The following KY variants were observed in gnomAD, a reference collection of about 807,000 sequenced individuals.
KY encodes the protein kyphoscoliosis peptidase.
In KY, 43 loss-of-function variants were observed where a neutral mutation model predicts 76.1. The ratio of observed to expected loss-of-function variants is 0.57; its 90% CI spans 0.44 to 0.73. KY has a LOEUF of 0.73. Ranked by LOEUF, KY falls within the 30% of genes least tolerant of loss-of-function variation. KY has a pLI of 0.00. For missense variants in KY, 722 were observed against 828.9 expected (o/e 0.87, Z 1.58); for synonymous variants, 277 against 326.2 (o/e 0.85, Z 1.63).
At chr3:134,634,111 A>G (rs1376161284) in intron 3 of KY, among the ~76,000 whole-genome samples, 1 of 152,230 alleles carries the variant, frequency 6.6e-6, no homozygotes, top group Non-Finnish European at 1.5e-5. Flanking sequence ...CACATTAAAG[A>G]TGACTTAAAT....
chr3:134,604,002 G>A lies in KY; in HGVS notation c.1563C>T (p.Thr521=), dbSNP rs80161977. The A allele has an allele frequency of 7.6e-4, 1,226 of 1,613,838 alleles. 8 individuals carry two copies. The African/African-American group carries it at 0.015, about 19-fold the overall frequency. ...CATGGGGCAGCTGGACTTTCAGCTC[G>A]GTCTGCTTCTCCCGGTGCAGCTGGA... The part of the protein sequence containing the change: ...YIFQLHREKQ[T]ELKVQLPHAG... Residue 521 remains threonine (T), a synonymous_variant, in exon 11 of 11, where the codon ACC becomes ACT. Transcript: ENST00000423778.
At chr3:134,621,726 G>T (rs540301213) in intron 6 of KY, among the ~76,000 whole-genome samples, 1 of 152,220 alleles carries the variant, frequency 6.6e-6, no homozygotes, top group Non-Finnish European at 1.5e-5. Flanking sequence ...GGGCATTCGT[G>T]AAAATAAAAA....
chr3:134,632,475 G>T (rs1018302807), intron 3 of KY, among the ~76,000 whole-genome samples: 2 of 151,944 alleles, frequency 1.3e-5, no homozygotes, highest in African/African-American at 2.4e-5. Flanking sequence ...AAATGTCCAA[G>T]TATTAAAAAT....
chr3:134,614,532 C>G (rs1287253802), intron 8 of KY, among the ~76,000 whole-genome samples: 1 of 151,964 alleles, frequency 6.6e-6, no homozygotes, highest in African/African-American at 2.4e-5. Context: ...CTGCAAAGGA[C>G]CACATGGCCA....
rs573771058 is a variant in KY, at chr3:134,650,850, C to G, written c.111G>C (p.Pro37=). The change falls in exon 1 of 11, where the codon CCG becomes CCC. Residue 37 remains proline, a synonymous_variant. Coordinates refer to ENST00000423778, the MANE Select transcript of KY (RefSeq NM_178554.6). ...QGTLSDQQAN[P]SSLLQRGGGF... is the part of the protein sequence containing the mutation. Reference sequence around the variant, plus strand: ...CTCCTCCGCGCTGCAGCAGCGAGCTCGGGTTCGCCTGCTGGTCTGAGAGCG... The same window carrying G: ...CTCCTCCGCGCTGCAGCAGCGAGCTGGGGTTCGCCTGCTGGTCTGAGAGCG... 6.8e-6 allele frequency: 11 copies of G among 1,606,868 alleles called. No individual in the cohort carries two copies. The South Asian group carries it at 1.2e-4, about 18-fold the overall frequency.
At position 134,603,509 on chromosome 3, in the gene KY, A is replaced by G; in HGVS notation, c.*70T>C. ...CTCAGTGGTGTCCAGGGCTCCCTGC[A>G]CTTCCTTCGAGCCCTCCCTGGGGAG... On this transcript the variant is annotated 3_prime_UTR_variant, in exon 11 of 11. Coordinates refer to ENST00000423778, the MANE Select transcript of KY (RefSeq NM_178554.6). The G allele has an allele frequency of 7.1e-7, 1 of 1,408,002 alleles. No homozygotes were observed. Among genetic ancestry groups the G allele is most frequent in the Non-Finnish European group, 9.6e-7 (1 of 1,037,448 alleles). The allele number at this position is 1,408,002 out of a possible 1,614,324, so 87.2% of individuals were successfully genotyped here.
At chr3:134,624,189 C>A (rs1963107997) in intron 6 of KY, among the ~76,000 whole-genome samples, 1 of 152,188 alleles carries the variant, frequency 6.6e-6, no homozygotes, top group African/African-American at 2.4e-5. Context: ...ACCTCCCACC[C>A]ACTCCACACC....
chr3:134,644,144 GAGA>G (rs768035882), intron 2 of KY, among the ~76,000 whole-genome samples: 105 of 152,198 alleles, frequency 6.9e-4, no homozygotes, highest in Middle Eastern at 3.4e-3. Flanking sequence ...GCTTCTTAAT[GAGA>G]AGAACAGGGG....
chr3:134,611,125 A>T (rs576701784), intron 8 of KY, among the ~76,000 whole-genome samples: 2 of 152,160 alleles, frequency 1.3e-5, no homozygotes, highest in Non-Finnish European at 2.9e-5. Flanking sequence ...CCTGGCCACA[A>T]TTCTGGAGTC....
intron 10 of KY, chr3:134,608,413 T>G (rs774189897): frequency 6.7e-7 from 1 of 1,485,462 alleles, no homozygotes; most frequent in South Asian, 1.2e-5. Context: ...TTTATGCTAG[T>G]GTGAGTGAGC....
rs1174350489 is a variant in KY, at chr3:134,601,505, C to A, written c.*2074G>T. 6.6e-6 allele frequency among the ~76,000 whole-genome samples: 1 copy of A among 152,224 alleles called. No homozygotes were observed. Among genetic ancestry groups the A allele is most frequent in the East Asian group, 1.9e-4 (1 of 5,196 alleles). ...TTGTTTTGATGAAACAAACACATTT[C>A]TTTAAGCCCATAAAATCAGAAGTGT... On this transcript the variant is annotated 3_prime_UTR_variant, in exon 11 of 11. Transcript: ENST00000423778.
chr3:134,613,504 C>T (rs1395884457), intron 8 of KY, among the ~76,000 whole-genome samples: 1 of 152,180 alleles, frequency 6.6e-6, no homozygotes, highest in Non-Finnish European at 1.5e-5. Context: ...AAGGTCACCT[C>T]CCAGGTCTGG....
rs1965332988 is a variant in KY, at chr3:134,638,901, C to T, written c.262+4415G>A. Among the ~76,000 whole-genome samples the T allele has an allele frequency of 2.9e-5, 3 of 102,318 alleles. No homozygotes were observed. In the South Asian group the frequency reaches 9.9e-4, roughly 34 times the overall value. The allele number at this position is 102,318 out of a possible 152,430, so 67.1% of individuals were successfully genotyped here. ...GCCTGAAGGGATCAATTAACGAAGA[C>T]TGTCAGGTGTGTGTGTGTGTGCATG... On this transcript the variant is annotated intron_variant, in intron 3 of 10. Transcript: ENST00000423778.
intron 6 of KY, among the ~76,000 whole-genome samples, chr3:134,623,172 C>T (rs1456969577): frequency 6.6e-6 from 1 of 152,218 alleles, no homozygotes; most frequent in African/African-American, 2.4e-5. Context: ...CTCCTGGCCC[C>T]ACCTGGGCCT....
intron 8 of KY, among the ~76,000 whole-genome samples, chr3:134,612,528 CAGCT>C (rs1398513926): frequency 6.6e-6 from 1 of 152,078 alleles, no homozygotes; most frequent in Non-Finnish European, 1.5e-5. Context: ...TGAGAGGAAA[CAGCT>C]AGCAGAGAAG....
Position 134,603,170 on chromosome 3 carries a change from C to T in KY, c.*409G>A, listed in dbSNP as rs1405650143. ...GACAACCCAGCCTTGCAAATCATGT[C>T]CCCTTGGGCATGGAAGAGAATTCTC... On this transcript the variant is annotated 3_prime_UTR_variant, in exon 11 of 11. Coordinates refer to ENST00000423778, the MANE Select transcript of KY (RefSeq NM_178554.6). The T allele has an allele frequency of 6.3e-6, 1 of 159,386 alleles. No individual in the cohort carries two copies. The highest frequency in any genetic ancestry group is 2.4e-5 in the African/African-American group (1 of 41,656). The allele number at this position is 159,386 out of a possible 1,614,324, so 9.9% of individuals were successfully genotyped here.
chr3:134,621,421 C>T lies in KY; in HGVS notation c.484-564G>A, dbSNP rs142047731. 1.5e-3 allele frequency among the ~76,000 whole-genome samples: 222 copies of T among 152,296 alleles called. 1 individual carries two copies. In the South Asian group the frequency reaches 0.016, roughly 11 times the overall value. ...GTCCAGAAATGGACCCACATATCTA[C>T]GGTTAGTGGATCTTTGACAAGGGTG... is the stretch of plus-strand genomic sequence containing the variant. On this transcript the variant is annotated intron_variant, in intron 6 of 10. Coordinates refer to ENST00000423778, the MANE Select transcript of KY (RefSeq NM_178554.6).
chr3:134,634,463 T>A (rs1189582974), intron 3 of KY, among the ~76,000 whole-genome samples: 1 of 152,192 alleles, frequency 6.6e-6, no homozygotes, highest in Non-Finnish European at 1.5e-5. Context: ...AATAAATTTT[T>A]ACAAAAGTGC....
chr3:134,612,751 CTG>C (rs35084772), intron 8 of KY, among the ~76,000 whole-genome samples: 9,629 of 125,308 alleles, frequency 0.077, 387 homozygotes, highest in Non-Finnish European at 0.097. Flanking sequence ...CACGCCGATG[CTG>C]TGTGTGTGTG....
Sources: allele counts gnomAD v4.1 joint callset (sites outside exome capture counted in the v4.1 genomes callset), GRCh38; gene constraint gnomAD v4.1.1; transcripts MANE v1.5; gene names NCBI Gene and HGNC (gene_info 2026-07-23, HGNC 2026-07-21).